The following RNF24 variants were observed in gnomAD, a reference collection of about 807,000 sequenced individuals.
RNF24 encodes the protein ring finger protein 24.
Under a neutral mutation model 20.0 loss-of-function variants are expected in RNF24, and 14 were observed. That is an observed-to-expected ratio of 0.70 (90% CI 0.46 to 1.10). The LOEUF (loss-of-function observed/expected upper bound fraction) is 1.10. RNF24 is among the 50% of genes least tolerant of loss of function. RNF24 has a pLI of 0.00. For missense variants in RNF24, 124 were observed against 177.6 expected, an observed-to-expected ratio of 0.70 and a Z score of 1.71; for synonymous variants, 45 against 61.1, an observed-to-expected ratio of 0.74 and a Z score of 1.23.
chr20:3,950,541 A>G (rs1231928740), intron 2 of RNF24, among the ~76,000 whole-genome samples: 1 of 152,242 alleles, frequency 6.6e-6, no homozygotes, highest in Non-Finnish European at 1.5e-5. Context: ...ATTGTAAGAA[A>G]TTACATTGCT....
intron 1 of RNF24, 22 bp from the exon 2 acceptor site, chr20:3,964,046 GA>G (rs757564629): frequency 1.5e-5 from 24 of 1,597,058 alleles, no homozygotes; most frequent in Admixed American, 7.1e-5. Context: ...GAAAAGAATG[GA>G]AAAAAAATAG....
chr20:3,938,999 C>T lies in RNF24; in HGVS notation c.229-3926G>A, dbSNP rs6052182. Among the ~76,000 whole-genome samples the T allele has an allele frequency of 6.0e-3, 909 of 152,198 alleles. 8 individuals are homozygous for T. The highest frequency in any genetic ancestry group is 0.02 in the African/African-American group (844 of 41,526). On this transcript the variant is annotated intron_variant, in intron 4 of 5. Coordinates refer to ENST00000358395, the MANE Select transcript of RNF24 (RefSeq NM_001134337.3). ...AACTCCTGAGCTCAAGCAATCTTCT[C>T]GTCTTGGCCTCCCAACGTGTTGGGA...
At chr20:4,015,301 G>C (rs540638859) in intron 1 of RNF24, 136 bp downstream of exon 1, 2 of 152,156 alleles carry the variant, frequency 1.3e-5, no homozygotes, top group African/African-American at 2.4e-5. Context: ...CCGAGGCGCC[G>C]GGAGAGTGTG....
chr20:3,960,396 G>T (rs1388180415), intron 2 of RNF24, among the ~76,000 whole-genome samples: 2 of 152,120 alleles, frequency 1.3e-5, no homozygotes, highest in Non-Finnish European at 2.9e-5. Context: ...TTGGCCAGGC[G>T]CGGTGGCTCA....
At position 3,963,834 on chromosome 20, in the gene RNF24, T is replaced by C; in HGVS notation, c.143+41A>G. On this transcript the variant is annotated intron_variant, in intron 2 of 5. Transcript: ENST00000358395. ...AGGACAGAAACTTGATTATTGATTA[T>C]TTAACATATTTTGAAGTAACATAGA... 2.1e-6 allele frequency: 3 copies of C among 1,455,678 alleles called. No individual in the cohort carries two copies. The South Asian group carries it at 3.9e-5, about 19-fold the overall frequency. 90.2% of individuals were successfully genotyped at this position (1,455,678 alleles called of 1,614,324 possible).
intron 1 of RNF24, among the ~76,000 whole-genome samples, chr20:3,987,929 T>A (rs1394560680): frequency 6.6e-6 from 1 of 151,982 alleles, no homozygotes; most frequent in African/African-American, 2.4e-5. Context: ...ATTAGGGAAA[T>A]TAAACAAAAA....
At chr20:3,998,615 G>C (rs183453477) in intron 1 of RNF24, among the ~76,000 whole-genome samples, 12 of 149,448 alleles carry the variant, frequency 8.0e-5, no homozygotes, top group Non-Finnish European at 1.5e-4. Context: ...AATTAGCCGG[G>C]CGTGGTGGCG....
At chr20:3,986,555 C>A (rs1979925862) in intron 1 of RNF24, among the ~76,000 whole-genome samples, 1 of 152,188 alleles carries the variant, frequency 6.6e-6, no homozygotes, top group Non-Finnish European at 1.5e-5. Flanking sequence ...CCATGCCCAG[C>A]GCCTTTCTTC....
intron 4 of RNF24, among the ~76,000 whole-genome samples, chr20:3,937,000 G>A (rs1455592263): frequency 2.0e-5 from 3 of 151,988 alleles, no homozygotes; most frequent in Non-Finnish European, 4.4e-5. Flanking sequence ...ACCATACCCG[G>A]CTAATTTTTT....
At chr20:3,947,693 C>T (rs2091035298) in intron 3 of RNF24, among the ~76,000 whole-genome samples, 1 of 152,152 alleles carries the variant, frequency 6.6e-6, no homozygotes, top group Non-Finnish European at 1.5e-5. Flanking sequence ...AATCTGTTGG[C>T]TCAAGTTTCC....
intron 1 of RNF24, among the ~76,000 whole-genome samples, chr20:3,997,170 G>A (rs1476941628): frequency 2.1e-5 from 3 of 145,048 alleles, no homozygotes; most frequent in Admixed American, 1.4e-4. Context: ...AGGTTGCAGT[G>A]AGCCGAGATC....
chr20:3,981,630 C>T (rs1355879909), intron 1 of RNF24, among the ~76,000 whole-genome samples: 2 of 151,840 alleles, frequency 1.3e-5, no homozygotes, highest in Non-Finnish European at 2.9e-5. Context: ...CTCAGCCTCC[C>T]GAGTAGCTGG....
At chr20:3,962,723 T>C (rs1264093102) in intron 2 of RNF24, among the ~76,000 whole-genome samples, 3 of 152,104 alleles carry the variant, frequency 2.0e-5, no homozygotes, top group Admixed American at 6.6e-5. Flanking sequence ...TTTTTTTTTT[T>C]TTTTGAGACG....
chr20:3,953,469 T>C (rs539158684), intron 2 of RNF24, among the ~76,000 whole-genome samples: 2 of 972 alleles, frequency 2.1e-3, no homozygotes, highest in Admixed American at 0.017. Flanking sequence ...CATTCTCTCT[T>C]TTTTTTTTTT....
intron 4 of RNF24, among the ~76,000 whole-genome samples, chr20:3,937,740 T>C (rs926542178): frequency 5.9e-5 from 9 of 152,214 alleles, no homozygotes; most frequent in African/African-American, 1.7e-4. Flanking sequence ...TTCTTTCCCT[T>C]AGCATAATGT....
At chr20:3,990,131 C>T (rs1029909186) in intron 1 of RNF24, among the ~76,000 whole-genome samples, 14 of 151,980 alleles carry the variant, frequency 9.2e-5, no homozygotes, top group Non-Finnish European at 1.8e-4. Context: ...TATATCTGAG[C>T]TGTACCTAAG....
chr20:4,009,840 G>C (rs887087735), intron 1 of RNF24, among the ~76,000 whole-genome samples: 1 of 151,936 alleles, frequency 6.6e-6, no homozygotes, highest in Non-Finnish European at 1.5e-5. Context: ...GAAAAAAAAG[G>C]GTTTTTAATT....
At chr20:4,007,951 C>T (rs1982020520) in intron 1 of RNF24, among the ~76,000 whole-genome samples, 1 of 150,982 alleles carries the variant, frequency 6.6e-6, no homozygotes, top group Non-Finnish European at 1.5e-5. Context: ...CCCACAAAAC[C>T]AAGAACAGCT....
intron 2 of RNF24, 83 bp downstream of exon 2, chr20:3,963,792 A>AAAT: frequency 1.6e-6 from 2 of 1,249,994 alleles, no homozygotes; most frequent in Non-Finnish European, 2.2e-6. Context: ...ATCATACTTC[A>AAAT]TTTTAAAAAA....
Sources: gnomAD v4.1 joint callset for allele counts (sites outside exome capture counted in the v4.1 genomes callset) on GRCh38, gnomAD v4.1.1 for gene constraint, MANE v1.5 for transcripts, NCBI Gene and HGNC (gene_info 2026-07-23, HGNC 2026-07-21) for gene names.